AHNAK2: variants seen among roughly 807,000 people sequenced by gnomAD.
The protein encoded by AHNAK2 is protein AHNAK2.
A neutral mutation model predicts 30.7 loss-of-function variants in AHNAK2; 18 were observed. The ratio of observed to expected loss-of-function variants is 0.59; its 90% confidence interval spans 0.41 to 0.87. AHNAK2 has a LOEUF of 0.87. AHNAK2 is among the 40% of genes least tolerant of loss of function. AHNAK2 has a pLI of 0.00. For synonymous variants in AHNAK2, 3,590 were observed against 3,073.8 expected (o/e 1.17, Z -5.56); for missense variants, 8,604 against 7,373.0 (o/e 1.17, Z -6.11).
intron 1 of AHNAK2, among the ~76,000 whole-genome samples, chr14:104,975,320 G>A (rs1259170649): frequency 6.6e-6 from 1 of 152,208 alleles, no homozygotes; most frequent in East Asian, 1.9e-4. Flanking sequence ...TGAGGCTTGG[G>A]GCAGGAGCCA....
At position 104,951,572 on chromosome 14, in the gene AHNAK2, A is replaced by G. The variant is rs201996729; in HGVS notation, c.3879T>C (p.Ser1293=). 2.6e-4 allele frequency: 326 copies of G among 1,243,278 alleles called. 61 individuals carry two copies. The African/African-American group carries it at 3.0e-3, about 12-fold the overall frequency. The allele number at this position is 1,243,278 out of a possible 1,614,324, so 77.0% of individuals were successfully genotyped here. A position where few individuals can be genotyped will look rare whatever the true frequency, so the allele number is the denominator to read the frequency against. The change falls in exon 7 of 7, where the codon AGT becomes AGC. Residue 1293 remains serine (S), a synonymous_variant. Transcript: ENST00000333244. The part of the protein sequence containing the change: ...TAHEVAVSLP[S]VEVDMQAPGA... Reference sequence around the variant, plus strand: ...CCGGGGCCTGCATGTCCACCTCCACACTGGGCAGAGACACAGCCACTTCGT... The same window carrying G: ...CCGGGGCCTGCATGTCCACCTCCACGCTGGGCAGAGACACAGCCACTTCGT...
rs528061863 is a variant in AHNAK2 at position 104,966,913 on chromosome 14, G to A, written c.56-9241C>T. Among the ~76,000 whole-genome samples, 8 of 152,362 alleles carry A rather than the reference G, an allele frequency of 5.3e-5. No individual in the cohort carries two copies. The highest frequency in any genetic ancestry group is 2.1e-4 in the South Asian group (1 of 4,830). Reference sequence around the variant, plus strand: ...CAGACCCTGCCGCTCAATCCCCAAGGTGGGTAACATATGTGAAAACTGAGG... The same window carrying A: ...CAGACCCTGCCGCTCAATCCCCAAGATGGGTAACATATGTGAAAACTGAGG... On this transcript the variant is annotated intron_variant, in intron 1 of 6. Coordinates refer to ENST00000333244, the MANE Select transcript of AHNAK2 (RefSeq NM_138420.4). The surrounding 1 kb of genome is among the most constrained non-coding windows in gnomAD (Gnocchi z 4.3).
At position 104,944,948 on chromosome 14, in the gene AHNAK2, C is replaced by A. The variant is rs775666568; in HGVS notation, c.10503G>T (p.Pro3501=). The change falls in exon 7 of 7, where the codon CCG becomes CCT. Residue 3501 remains proline (P), a synonymous_variant. Coordinates refer to ENST00000333244, the MANE Select transcript of AHNAK2 (RefSeq NM_138420.4). The stretch of plus-strand genomic sequence containing the variant: ...AGAGGCTCACGTCGGCCTCCACCTT[C>A]GGCGCAGACACATCCAGCGAGGCCT... ...SIEASLDVSA[P]KVEADVSLSS... The A allele has an allele frequency of 6.2e-7, 1 of 1,612,436 alleles. No homozygotes were observed. The highest frequency in any genetic ancestry group is 8.5e-7 in the Non-Finnish European group (1 of 1,179,378).
In AHNAK2 at chr14:104,946,437, G is replaced by A. The variant is rs570457179; in HGVS notation, c.9014C>T (p.Ala3005Val). 37 of 1,611,928 alleles carry A rather than the reference G, an allele frequency of 2.3e-5. 1 individual carries two copies. The highest frequency in any genetic ancestry group is 1.3e-4 in the East Asian group (6 of 44,576). Residue 3005 changes from alanine to valine, a missense_variant, in exon 7 of 7, where the codon GCG becomes GTG. Coordinates refer to ENST00000333244, the MANE Select transcript of AHNAK2 (RefSeq NM_138420.4). ...KSIEVSVDVS[A>V]PKVEAEVSLP... ...GCTCACTTCGGCCTCCACCTTCGGC[G>A]CAGACACATCCACCGAGACCTCAAT...
intron 1 of AHNAK2, among the ~76,000 whole-genome samples, chr14:104,969,055 T>G (rs1350242294): frequency 6.6e-6 from 1 of 152,204 alleles, no homozygotes; most frequent in Non-Finnish European, 1.5e-5. Flanking sequence ...ACCTTCAGAC[T>G]TCCCTGAGCA....
Position 104,946,536 on chromosome 14 carries a change from G to T in AHNAK2, c.8915C>A (p.Thr2972Asn). ...GDLSLADKDV[T>N]AKDSKFKMPK... ...CATTTTGAACTTGCTGTCTTTGGCA[G>T]TCACATCCTTGTCGGCCAGGGACAG... is the stretch of plus-strand genomic sequence containing the variant. Residue 2972 changes from threonine to asparagine, a missense_variant, in exon 7 of 7, where the codon ACT (threonine) becomes AAT (asparagine). Physicochemically the swap from Thr to Asn is moderately conservative, Grantham distance 65. Coordinates refer to ENST00000333244, the MANE Select transcript of AHNAK2 (RefSeq NM_138420.4). The T allele has an allele frequency of 6.2e-7, 1 of 1,612,442 alleles. No individual in the cohort carries two copies. The highest frequency in any genetic ancestry group is 8.5e-7 in the Non-Finnish European group (1 of 1,179,508).
chr14:104,959,466 G>A lies in AHNAK2; in HGVS notation c.56-1794C>T, dbSNP rs184245472. On this transcript the variant is annotated intron_variant, in intron 1 of 6. Transcript: ENST00000333244. Reference sequence around the variant, plus strand: ...ATTACAGGCATGAGCTGCCGTGTCCGGCCCAAAAATTTTTTTAAAAATTAG... The same window carrying A: ...ATTACAGGCATGAGCTGCCGTGTCCAGCCCAAAAATTTTTTTAAAAATTAG... Among the ~76,000 whole-genome samples the A allele has an allele frequency of 1.1e-4, 17 of 152,168 alleles. No homozygotes were observed. The East Asian group carries it at 2.5e-3, about 22-fold the overall frequency.
In AHNAK2 at chr14:104,954,772, C is replaced by T. The variant is rs778842339; in HGVS notation, c.679G>A (p.Glu227Lys). ...EDTDVADGCR[E>K]TPTKTLEGDG... ...CCTTCCAGAGTTTTCGTGGGGGTCT[C>T]TCTGCACCCATCAGCAACATCCGTG... Residue 227 changes from glutamate (E) to lysine (K), a missense_variant, in exon 7 of 7, where the codon GAG (glutamate) becomes AAG (lysine). By Grantham distance (56) the Glu-to-Lys change is moderately conservative. Coordinates refer to ENST00000333244, the MANE Select transcript of AHNAK2 (RefSeq NM_138420.4). This position sits in a 1 kb window ranked among gnomAD's most constrained non-coding sequence, Gnocchi z 4.3. 1 of 1,585,684 alleles carries T rather than the reference C, an allele frequency of 6.3e-7. No individual in the cohort carries two copies. Among genetic ancestry groups the T allele is most frequent in the Non-Finnish European group, 8.6e-7 (1 of 1,165,848 alleles).
intron 1 of AHNAK2, among the ~76,000 whole-genome samples, chr14:104,971,063 G>C (rs186793319): frequency 6.6e-6 from 1 of 152,094 alleles, no homozygotes; most frequent in Non-Finnish European, 1.5e-5. Context: ...AACTCACAGC[G>C]GCCACCACAC....
rs202229497 is a variant in AHNAK2 at position 104,948,247 on chromosome 14, G to A, written c.7204C>T (p.Pro2402Ser). ...PEGAGLKGHLPKLQMPSFKMP... is the reference protein window; with the variant it reads ...PEGAGLKGHLSKLQMPSFKMP... ...TTGAAACTGGGCATCTGCAGCTTGG[G>A]CAGGTGCCCTTTGAGGCCGGCTCCC... The change falls in exon 7 of 7, where the codon CCC (proline) becomes TCC (serine). Residue 2402 changes from proline to serine, a missense_variant. By Grantham distance (74) the Pro-to-Ser change is moderately conservative. Transcript: ENST00000333244. 2.0e-5 allele frequency: 32 copies of A among 1,612,342 alleles called. No individual in the cohort carries two copies. Among genetic ancestry groups the A allele is most frequent in the Non-Finnish European group, 2.5e-5 (30 of 1,179,556 alleles).
intron 1 of AHNAK2, among the ~76,000 whole-genome samples, chr14:104,972,834 C>T (rs1015651092): frequency 2.6e-5 from 4 of 152,240 alleles, no homozygotes; most frequent in African/African-American, 9.6e-5. Flanking sequence ...ACCGAGCCCT[C>T]GGCTCCAGAG....
intron 1 of AHNAK2, among the ~76,000 whole-genome samples, chr14:104,958,461 A>T (rs1034445565): frequency 3.4e-4 from 51 of 152,202 alleles, no homozygotes; most frequent in African/African-American, 1.2e-3. Context: ...AAAGAAAAAA[A>T]AAAGTTTGTT....
chr14:104,977,486 G>A (rs1216550729), intron 1 of AHNAK2, among the ~76,000 whole-genome samples: 1 of 152,176 alleles, frequency 6.6e-6, no homozygotes. Context: ...ACTTTCCCTT[G>A]CCCAGCACTG....
Position 104,939,508 on chromosome 14 carries a change from G to A in AHNAK2, c.15943C>T (p.Leu5315Phe). Residue 5315 changes from leucine to phenylalanine, a missense_variant, in exon 7 of 7, where the codon CTT becomes TTT. Physicochemically the swap from Leu to Phe is conservative, Grantham distance 22. Transcript: ENST00000333244. Reference sequence around the variant, plus strand: ...CCTGGAAGAACCTGGGTTTCTGGAAGCCTCATGCCAGGCATCTGAAAAGGG... The same window carrying A: ...CCTGGAAGAACCTGGGTTTCTGGAAACCTCATGCCAGGCATCTGAAAAGGG... ...PLPFQMPGMR[L>F]PETQVLPGEI... 1.9e-6 allele frequency: 3 copies of A among 1,613,694 alleles called. No individual in the cohort carries two copies. Among genetic ancestry groups the A allele is most frequent in the African/African-American group, 2.7e-5 (2 of 75,042 alleles).
In AHNAK2 at chr14:104,942,793, G is replaced by T; in HGVS notation, c.12658C>A (p.Gln4220Lys). 6.2e-7 allele frequency: 1 copy of T among 1,612,920 alleles called. No homozygotes were observed. The highest frequency in any genetic ancestry group is 1.7e-5 in the Admixed American group (1 of 59,968). ...TTGGGCATCTTCAAACAGGGCATCT[G>T]CACCTTGGGGAGGTGCCCTTTGAGG... is the stretch of plus-strand genomic sequence containing the variant. The part of the protein sequence containing the change: ...AGLKGHLPKV[Q>K]MPCLKMPKVA... The change falls in exon 7 of 7, where the codon CAG becomes AAG. Residue 4220 changes from glutamine to lysine, a missense_variant. By Grantham distance (53) the Gln-to-Lys change is moderately conservative. Coordinates refer to ENST00000333244, the MANE Select transcript of AHNAK2 (RefSeq NM_138420.4).
In AHNAK2 at chr14:104,939,533, G is replaced by A; in HGVS notation, c.15918C>T (p.Leu5306=). 2 of 1,613,814 alleles carry A rather than the reference G, an allele frequency of 1.2e-6. No homozygotes were observed. Among genetic ancestry groups the A allele is most frequent in the Non-Finnish European group, 1.7e-6 (2 of 1,179,890 alleles). Residue 5306 remains leucine, a synonymous_variant, in exon 7 of 7, where the codon CTC becomes CTT. Transcript: ENST00000333244. ...GCCTCATGCCAGGCATCTGAAAAGGGAGAGGTCCTTTGGATGGATGGATCC... is the reference window on the plus strand; with the variant it reads ...GCCTCATGCCAGGCATCTGAAAAGGAAGAGGTCCTTTGGATGGATGGATCC... ...EVRIHPSKGP[L]PFQMPGMRLP... is the part of the protein sequence containing the mutation.
rs1373171101 is a variant in AHNAK2, at chr14:104,940,578, ATCT to A, written c.14870_14872del (p.Lys4957del). The A allele has an allele frequency of 9.3e-6, 15 of 1,613,612 alleles. No individual in the cohort carries two copies. Among genetic ancestry groups the A allele is most frequent in the Non-Finnish European group, 1.3e-5 (15 of 1,179,848 alleles). The stretch of plus-strand genomic sequence containing the variant: ...GGACCACCTAAATGATGGAAGCTTA[ATCT>A]TAGGCATTTTCAAGGGACTCCCTTT... On this transcript the variant is annotated inframe_deletion, in exon 7 of 7. Coordinates refer to ENST00000333244, the MANE Select transcript of AHNAK2 (RefSeq NM_138420.4). This position sits in a 1 kb window ranked among gnomAD's most constrained non-coding sequence, Gnocchi z 4.4.
At position 104,946,636 on chromosome 14, in the gene AHNAK2, C is replaced by A; in HGVS notation, c.8815G>T (p.Val2939Leu). 1 of 1,612,290 alleles carries A rather than the reference C, an allele frequency of 6.2e-7. No individual in the cohort carries two copies. Among genetic ancestry groups the A allele is most frequent in the African/African-American group, 1.3e-5 (1 of 74,450 alleles). ...TCCACCTCCACGCTGGGCAGAGACA[C>A]CTCCACGTCGGGGGCCGTCACCTCC... ...KAEVTAPDVE[V>L]SLPSVEVDVE... The change falls in exon 7 of 7, where the codon GTG becomes TTG. Residue 2939 changes from valine (V) to leucine (L), a missense_variant. Physicochemically the swap from Val to Leu is conservative, Grantham distance 32 (BLOSUM62 1). Transcript: ENST00000333244.
rs373589007 is a variant in AHNAK2 at position 104,945,058 on chromosome 14, C to T, written c.10393G>A (p.Asp3465Asn). The stretch of plus-strand genomic sequence containing the variant: ...AACTTGCTGTCTTTGGCAGTCACAT[C>T]CTTTTCAGCCAGGGACAGGTCCCCC... ...LEGDLSLAEK[D>N]VTAKDSKFKM... The change falls in exon 7 of 7, where the codon GAT becomes AAT. Residue 3465 changes from aspartate (D) to asparagine (N), a missense_variant. Asp to Asn is a conservative substitution (Grantham distance 23). Transcript: ENST00000333244. 36 of 1,613,168 alleles carry T rather than the reference C, an allele frequency of 2.2e-5. No homozygotes were observed. The highest frequency in any genetic ancestry group is 2.9e-5 in the Non-Finnish European group (34 of 1,179,728).
Sources: gnomAD v4.1 joint callset for allele counts (sites outside exome capture counted in the v4.1 genomes callset) on GRCh38, gnomAD v4.1.1 for gene constraint, Gnocchi (gnomAD v3.1) non-coding constraint, MANE v1.5 for transcripts, NCBI Gene and HGNC (gene_info 2026-07-23, HGNC 2026-07-21) for gene names.